DIXDC1: variants seen among roughly 807,000 people sequenced by gnomAD.
The protein encoded by DIXDC1 is DIX domain containing 1, also known as dixin.
Under a neutral mutation model 103.1 loss-of-function variants are expected in DIXDC1, and 64 were observed. The ratio of observed to expected loss-of-function variants is 0.62; its 90% CI spans 0.51 to 0.76. The LOEUF (loss-of-function observed/expected upper bound fraction) is 0.76. Among genes scored for constraint, DIXDC1 ranks in the 30% least tolerant of loss-of-function variants. The probability of loss-of-function intolerance (pLI) is 0.00; values close to 1 mark genes in which losing one functional copy is unlikely to be tolerated. For missense variants in DIXDC1, 759 were observed against 834.2 expected (o/e 0.91, Z 1.11); for synonymous variants, 266 against 298.5 (o/e 0.89, Z 1.12).
chr11:111,937,582 T>A (rs1555168376), intron 1 of DIXDC1, 23 bp downstream of exon 1: 1 of 1,569,574 alleles, frequency 6.4e-7, no homozygotes, highest in South Asian at 1.2e-5. Flanking sequence ...CTCCTCCCAC[T>A]CCTCAGCTCC....
intron 1 of DIXDC1, among the ~76,000 whole-genome samples, chr11:111,963,376 G>A (rs1555171226): frequency 6.6e-6 from 1 of 152,142 alleles, no homozygotes. Flanking sequence ...CTGATGGATT[G>A]TTGTCTTAGC....
rs1172938799 is a variant in DIXDC1 at position 112,017,411 on chromosome 11, C to T, written c.1863-366C>T. Reference sequence around the variant, plus strand: ...ATGATACTTGATTTGATTCTACCATCCTAGAGAATTGGGATATTGTAGCAA... The same window carrying T: ...ATGATACTTGATTTGATTCTACCATTCTAGAGAATTGGGATATTGTAGCAA... On this transcript the variant is annotated intron_variant, in intron 18 of 19. Transcript: ENST00000440460. This position sits in a 1 kb window ranked among gnomAD's most constrained non-coding sequence, Gnocchi z 4.0. Among the ~76,000 whole-genome samples, 1 of 152,098 alleles carries T rather than the reference C, an allele frequency of 6.6e-6. No homozygotes were observed. The highest frequency in any genetic ancestry group is 1.5e-5 in the Non-Finnish European group (1 of 68,014).
In DIXDC1 at chr11:111,958,921, TG is replaced by T. The variant is rs1859482490; in HGVS notation, c.61-5625del. 6.6e-6 allele frequency among the ~76,000 whole-genome samples: 1 copy of T among 151,742 alleles called. No homozygotes were observed. Among genetic ancestry groups the T allele is most frequent in the Admixed American group, 6.6e-5 (1 of 15,228 alleles). On this transcript the variant is annotated intron_variant, in intron 1 of 19. Transcript: ENST00000440460. The surrounding 1 kb of genome is among the most constrained non-coding windows in gnomAD (Gnocchi z 4.2). ...TCCCTGCTGAATGGTGAGCAGATGA[TG>T]GGAAAACCAGCCAAGGAGAAGAGCT...
intron 17 of DIXDC1, among the ~76,000 whole-genome samples, chr11:112,012,081 A>G (rs1262475223): frequency 1.3e-5 from 2 of 152,252 alleles, no homozygotes; most frequent in East Asian, 3.8e-4. Flanking sequence ...ACGGAGAGAT[A>G]TACTGTTTAT....
chr11:112,016,550 T>A (rs752126735), intron 17 of DIXDC1, 141 bp from the exon 18 acceptor site: 387 of 608,316 alleles, frequency 6.4e-4, no homozygotes, highest in Non-Finnish European at 9.5e-4. Context: ...CCATAGCATA[T>A]GGACATTGTG....
At chr11:111,995,905 C>G (rs1223246802) in intron 16 of DIXDC1, among the ~76,000 whole-genome samples, 175 bp from the exon 17 acceptor site, 8 of 152,032 alleles carry the variant, frequency 5.3e-5, no homozygotes, top group African/African-American at 1.9e-4. Context: ...GCACTGGAAA[C>G]CAGAAAGCCT....
chr11:111,953,848 C>T (rs1307110574), intron 1 of DIXDC1, among the ~76,000 whole-genome samples: 3 of 152,200 alleles, frequency 2.0e-5, no homozygotes, highest in African/African-American at 7.2e-5. Flanking sequence ...AGTAAGCTGT[C>T]TCTATCCATG....
chr11:111,941,837 TACACACACAC>T (rs10635444), intron 1 of DIXDC1, among the ~76,000 whole-genome samples: 65 of 139,286 alleles, frequency 4.7e-4, no homozygotes, highest in African/African-American at 1.2e-3. Flanking sequence ...CGAAACAAAA[TACACACACAC>T]ACACACACAC....
chr11:111,966,702 CA>C (rs1440918149), intron 2 of DIXDC1, among the ~76,000 whole-genome samples: 2 of 152,230 alleles, frequency 1.3e-5, no homozygotes, highest in Non-Finnish European at 2.9e-5. Context: ...CGCGTCCAGC[CA>C]AAACCCAGGT....
upstream of DIXDC1, among the ~76,000 whole-genome samples, chr11:111,936,282 T>C (rs1592534166): frequency 6.6e-6 from 1 of 152,260 alleles, no homozygotes; most frequent in East Asian, 1.9e-4. Flanking sequence ...CGAGTTTTCC[T>C]ATAGAAACAA....
chr11:111,931,734 C>T lies in DIXDC1; in HGVS notation c.57+1824C>T, dbSNP rs118101219. Among the ~76,000 whole-genome samples the T allele has an allele frequency of 2.9e-3, 447 of 152,294 alleles. 4 individuals are homozygous for T. Among genetic ancestry groups the T allele is most frequent in the Non-Finnish European group, 5.4e-3 (369 of 68,018 alleles). On this transcript the variant is annotated intron_variant, in intron 2 of 5. Coordinates refer to the DIXDC1 transcript ENST00000529225. ...AAATTACCTCGTACAACAATTGTAG[C>T]GTCAGATTTTGTATACATCTTTCAG...
rs1355111022 is a variant in DIXDC1 at position 112,010,630 on chromosome 11, G to T, written c.1757-6061G>T. 2.0e-5 allele frequency among the ~76,000 whole-genome samples: 3 copies of T among 152,104 alleles called. No individual in the cohort carries two copies. The East Asian group carries it at 5.8e-4, about 29-fold the overall frequency. Reference sequence around the variant, plus strand: ...TATAGACCAATGAATCAGAACAGAGGCCTCAGAAATAACACCACACATTTA... The same window carrying T: ...TATAGACCAATGAATCAGAACAGAGTCCTCAGAAATAACACCACACATTTA... On this transcript the variant is annotated intron_variant, in intron 17 of 19. Coordinates refer to ENST00000440460, the MANE Select transcript of DIXDC1 (RefSeq NM_001037954.4).
chr11:111,940,041 C>T (rs1966367121), intron 1 of DIXDC1, among the ~76,000 whole-genome samples: 1 of 152,208 alleles, frequency 6.6e-6, no homozygotes, highest in African/African-American at 2.4e-5. Context: ...ACCTCATTCT[C>T]TATGGCAGAG....
intron 1 of DIXDC1, among the ~76,000 whole-genome samples, chr11:111,943,433 C>T (rs587614110): frequency 4.6e-5 from 7 of 151,248 alleles, no homozygotes; most frequent in East Asian, 2.0e-4. Context: ...CATGAACCAC[C>T]GCGCCCGGCT....
At chr11:112,008,557 G>A (rs1861314067) in intron 17 of DIXDC1, among the ~76,000 whole-genome samples, 1 of 152,216 alleles carries the variant, frequency 6.6e-6, no homozygotes, top group East Asian at 1.9e-4. Flanking sequence ...ACAGTTGGAA[G>A]TAAAGCACTC....
At chr11:112,003,625 C>G (rs1592620777) in intron 17 of DIXDC1, among the ~76,000 whole-genome samples, 1 of 151,668 alleles carries the variant, frequency 6.6e-6, no homozygotes, top group Non-Finnish European at 1.5e-5. Flanking sequence ...ATGGAGAAAC[C>G]CTGTCTCTAC....
intron 19 of DIXDC1, 21 bp from the exon 20 acceptor site, chr11:112,018,935 G>C: frequency 6.2e-7 from 1 of 1,606,394 alleles, no homozygotes. Flanking sequence ...TTTCACTGTG[G>C]CTTTTTGTTT....
intron 3 of DIXDC1, among the ~76,000 whole-genome samples, chr11:111,973,608 A>G (rs782303593): frequency 6.6e-6 from 1 of 152,098 alleles, no homozygotes; most frequent in Non-Finnish European, 1.5e-5. Context: ...GCATAGCTCT[A>G]ATATATCATG....
intron 3 of DIXDC1, among the ~76,000 whole-genome samples, chr11:111,970,661 CA>C (rs34958514): frequency 0.018 from 2,005 of 113,064 alleles, 33 homozygotes; most frequent in African/African-American, 0.053. Flanking sequence ...AACTCTATCT[CA>C]AAAAAAAAAA....
Sources: gnomAD v4.1 joint callset for allele counts (sites outside exome capture counted in the v4.1 genomes callset) on GRCh38, gnomAD v4.1.1 for gene constraint, Gnocchi (gnomAD v3.1) non-coding constraint, MANE v1.5 for transcripts, NCBI Gene and HGNC (gene_info 2026-07-23, HGNC 2026-07-21) for gene names.